Variants in ZNF556 observed in about 807,000 individuals in gnomAD.
ZNF556 encodes the protein zinc finger protein 556.
In ZNF556, 11 loss-of-function variants were observed where a neutral mutation model predicts 13.6. That is an observed-to-expected ratio of 0.81 (90% CI 0.51 to 1.33). ZNF556 has a LOEUF of 1.33. Among genes scored for constraint, ZNF556 ranks in the 40% most tolerant of loss-of-function variants. The pLI is 0.00. For synonymous variants in ZNF556, 229 were observed against 207.8 expected (o/e 1.10, Z -0.88); for missense variants, 633 against 566.2 (o/e 1.12, Z -1.20).
intron 1 of ZNF556, 35 bp downstream of exon 1, chr19:2,867,459 GC>G: frequency 1.3e-6 from 2 of 1,576,180 alleles, no homozygotes; most frequent in Admixed American, 1.9e-5. Flanking sequence ...CGGAGCCGGA[GC>G]CCTGGGAGGG....
Position 2,882,788 on chromosome 19 carries a change from T to C in ZNF556, c.*4459T>C, listed in dbSNP as rs2087915187. On this transcript the variant is annotated 3_prime_UTR_variant, in exon 4 of 4. Coordinates refer to ENST00000307635, the MANE Select transcript of ZNF556 (RefSeq NM_024967.3). Reference sequence around the variant, plus strand: ...CCAGGATGGTCTCGATCTCTTCACCTCGTGATCTGCCCGCCTTGGCCTCCC... The same window carrying C: ...CCAGGATGGTCTCGATCTCTTCACCCCGTGATCTGCCCGCCTTGGCCTCCC... The C allele has an allele frequency of 6.6e-6, 1 of 152,222 alleles. No homozygotes were observed. The highest frequency in any genetic ancestry group is 2.4e-5 in the African/African-American group (1 of 41,412). The allele number at this position is 152,222 out of a possible 1,614,324, so 9.4% of individuals were successfully genotyped here. A position where few individuals can be genotyped will look rare whatever the true frequency, so the allele number is the denominator to read the frequency against.
chr19:2,880,592 A>T lies in ZNF556; in HGVS notation c.*2263A>T, dbSNP rs528342902. The T allele has an allele frequency of 1.3e-5, 2 of 152,122 alleles. No homozygotes were observed. The highest frequency in any genetic ancestry group is 2.0e-4 in the East Asian group (1 of 5,108). 9.4% of individuals were successfully genotyped at this position (152,122 alleles called of 1,614,324 possible). On this transcript the variant is annotated 3_prime_UTR_variant, in exon 4 of 4. Transcript: ENST00000307635. ...AGACCATCCTGGCTAACACGGTGAA[A>T]CCCCATCTCTACTAAAAATACAAAA...
Position 2,878,139 on chromosome 19 carries a change from G to C in ZNF556, c.1181G>C (p.Gly394Ala). ...SLHKHERKHT[G>A]EKPVNAASVG... Reference sequence around the variant, plus strand: ...CACAAACATGAGAGAAAGCACACTGGGGAGAAACCTGTAAATGCAGCCAGT... The same window carrying C: ...CACAAACATGAGAGAAAGCACACTGCGGAGAAACCTGTAAATGCAGCCAGT... Residue 394 changes from glycine (G) to alanine (A), a missense_variant, in exon 4 of 4, where the codon GGG becomes GCG. Coordinates refer to ENST00000307635, the MANE Select transcript of ZNF556 (RefSeq NM_024967.3). 4 of 1,614,112 alleles carry C rather than the reference G, an allele frequency of 2.5e-6. No individual in the cohort carries two copies. In the African/African-American group the frequency reaches 4.0e-5, roughly 16 times the overall value.
intron 2 of ZNF556, 126 bp downstream of exon 2, chr19:2,873,748 G>A: frequency 8.6e-7 from 1 of 1,158,076 alleles, no homozygotes; most frequent in South Asian, 1.6e-5. Context: ...GAGGCTAGGA[G>A]TTGACAACCA....
At chr19:2,871,869 C>T (rs138545905) in intron 1 of ZNF556, among the ~76,000 whole-genome samples, 397 of 152,252 alleles carry the variant, frequency 2.6e-3, no homozygotes, top group Non-Finnish European at 4.2e-3. Flanking sequence ...GACAAACGGG[C>T]AGGATAAGGA....
chr19:2,867,867 C>G (rs10775586), intron 1 of ZNF556, among the ~76,000 whole-genome samples: 127,693 of 152,138 alleles, frequency 0.84, 53,755 homozygotes, highest in East Asian at 1. Flanking sequence ...CACGTGGCGG[C>G]ACGGGCTGGC....
intron 1 of ZNF556, among the ~76,000 whole-genome samples, chr19:2,870,713 C>G (rs1005919703): frequency 5.6e-4 from 84 of 149,762 alleles, no homozygotes; most frequent in Middle Eastern, 3.5e-3. Flanking sequence ...TGCCATTGCA[C>G]TCCAGCCTGG....
Position 2,878,466 on chromosome 19 carries a change from C to T in ZNF556, c.*137C>T. ...CAGGCGGATCACGAGGTCAGGAGATCAAGACCATCCTGGCTATGGTGAAAC... is the reference window on the plus strand; with the variant it reads ...CAGGCGGATCACGAGGTCAGGAGATTAAGACCATCCTGGCTATGGTGAAAC... On this transcript the variant is annotated 3_prime_UTR_variant, in exon 4 of 4. Transcript: ENST00000307635. 1.3e-6 allele frequency: 1 copy of T among 741,848 alleles called. No homozygotes were observed. Among genetic ancestry groups the T allele is most frequent in the Non-Finnish European group, 2.2e-6 (1 of 463,198 alleles). The allele number at this position is 741,848 out of a possible 1,614,324, so 46.0% of individuals were successfully genotyped here.
rs2087889766 is a variant in ZNF556, at chr19:2,879,720, G to A, written c.*1391G>A. On this transcript the variant is annotated 3_prime_UTR_variant, in exon 4 of 4. Coordinates refer to ENST00000307635, the MANE Select transcript of ZNF556 (RefSeq NM_024967.3). ...TTCCTGCTTCCATGACAGATACAAT[G>A]GTACAACCATAAAAACACAGGGGAT... The A allele has an allele frequency of 6.6e-6, 1 of 152,024 alleles. No individual in the cohort carries two copies. Among genetic ancestry groups the A allele is most frequent in the Admixed American group, 6.6e-5 (1 of 15,218 alleles). 9.4% of individuals were successfully genotyped at this position (152,024 alleles called of 1,614,324 possible). A position where few individuals can be genotyped will look rare whatever the true frequency, so the allele number is the denominator to read the frequency against.
At position 2,878,517 on chromosome 19, in the gene ZNF556, ATAC is replaced by A; in HGVS notation, c.*189_*191del. 5 of 496,560 alleles carry A rather than the reference ATAC, an allele frequency of 1.0e-5. No homozygotes were observed. The highest frequency in any genetic ancestry group is 1.7e-5 in the Non-Finnish European group (5 of 288,164). The allele number at this position is 496,560 out of a possible 1,614,324, so 30.8% of individuals were successfully genotyped here. A position where few individuals can be genotyped will look rare whatever the true frequency, so the allele number is the denominator to read the frequency against. ...CCCGTCTCTACTAAAAAAAAAAAAA[ATAC>A]AAAAAATTAGCCGGGCGTGGTGGCG... On this transcript the variant is annotated 3_prime_UTR_variant, in exon 4 of 4. Transcript: ENST00000307635.
chr19:2,870,154 G>T (rs1268067779), intron 1 of ZNF556, among the ~76,000 whole-genome samples: 1 of 152,172 alleles, frequency 6.6e-6, no homozygotes, highest in Admixed American at 6.5e-5. Flanking sequence ...GGGAACAGAT[G>T]ACATTTTACT....
At position 2,878,947 on chromosome 19, in the gene ZNF556, G is replaced by A. The variant is rs1173715948; in HGVS notation, c.*618G>A. 6.6e-6 allele frequency: 1 copy of A among 152,084 alleles called. No homozygotes were observed. Among genetic ancestry groups the A allele is most frequent in the Admixed American group, 6.6e-5 (1 of 15,258 alleles). 9.4% of individuals were successfully genotyped at this position (152,084 alleles called of 1,614,324 possible). ...TGGGTGATCTGATGTATTTTAATAT[G>A]CATTAACTTTAATTTTTATATATTT... On this transcript the variant is annotated 3_prime_UTR_variant, in exon 4 of 4. Transcript: ENST00000307635.
chr19:2,872,359 G>A (rs186951605), intron 1 of ZNF556, among the ~76,000 whole-genome samples: 7,099 of 151,488 alleles, frequency 0.047, 526 homozygotes, highest in African/African-American at 0.16. Context: ...GTTACCGCTA[G>A]ACCAAGGAGC....
Position 2,877,649 on chromosome 19 carries a change from T to G in ZNF556, c.691T>G (p.Tyr231Asp), listed in dbSNP as rs1944288509. ...AAGGACTCACACTGGAGAGAAACCC[T>G]ACGAATGTGGGCAGTGTGGGAAAGG... is the stretch of plus-strand genomic sequence containing the variant. ...HVRTHTGEKP[Y>D]ECGQCGKGFS... is the part of the protein sequence containing the mutation. Residue 231 changes from tyrosine to aspartate, a missense_variant, in exon 4 of 4, where the codon TAC (tyrosine) becomes GAC (aspartate). Physicochemically the swap from Tyr to Asp is radical, Grantham distance 160 (BLOSUM62 -3). Coordinates refer to ENST00000307635, the MANE Select transcript of ZNF556 (RefSeq NM_024967.3). 1 of 1,614,086 alleles carries G rather than the reference T, an allele frequency of 6.2e-7. No individual in the cohort carries two copies. The highest frequency in any genetic ancestry group is 1.3e-5 in the African/African-American group (1 of 74,936).
rs187449569 is a variant in ZNF556, at chr19:2,882,959, A to G, written c.*4630A>G. On this transcript the variant is annotated 3_prime_UTR_variant, in exon 4 of 4. Transcript: ENST00000307635. The stretch of plus-strand genomic sequence containing the variant: ...TTTGTTTTTAATACCTTTGTGAAAT[A>G]ATTTTAAATTGCCTTATATATTTGG... 6.6e-6 allele frequency: 1 copy of G among 152,292 alleles called. No individual in the cohort carries two copies. Among genetic ancestry groups the G allele is most frequent in the Admixed American group, 6.5e-5 (1 of 15,296 alleles). The allele number at this position is 152,292 out of a possible 1,614,324, so 9.4% of individuals were successfully genotyped here. A position where few individuals can be genotyped will look rare whatever the true frequency, so the allele number is the denominator to read the frequency against.
chr19:2,873,491 T>G lies in ZNF556; in HGVS notation c.4-5T>G, dbSNP rs1403158579. 1 of 1,613,996 alleles carries G rather than the reference T, an allele frequency of 6.2e-7. No individual in the cohort carries two copies. Among genetic ancestry groups the G allele is most frequent in the Admixed American group, 1.7e-5 (1 of 60,002 alleles). ...CCTCATGTACACATATGTGGTTTGT[T>G]TTAGGACACAGTGGTCTTTGAAGAC... On this transcript the variant is annotated splice_region_variant and splice_polypyrimidine_tract_variant and intron_variant, in intron 1 of 3. Transcript: ENST00000307635.
At chr19:2,869,662 C>T (rs900348738) in intron 1 of ZNF556, among the ~76,000 whole-genome samples, 13 of 152,120 alleles carry the variant, frequency 8.5e-5, no homozygotes, top group African/African-American at 2.7e-4. Context: ...CCACCGCGCC[C>T]GGCCTAGATC....
chr19:2,877,205 C>T (rs2087859388), intron 3 of ZNF556, 68 bp from the exon 4 acceptor site: 3 of 1,329,098 alleles, frequency 2.3e-6, no homozygotes, highest in Non-Finnish European at 1.0e-6. Flanking sequence ...AGCAAAACTC[C>T]ATCTCAAGGA....
At chr19:2,868,721 A>ATT (rs11456545) in intron 1 of ZNF556, among the ~76,000 whole-genome samples, 14,091 of 125,840 alleles carry the variant, frequency 0.11, 1,014 homozygotes, top group African/African-American at 0.19. Flanking sequence ...TGACTAGCTA[A>ATT]TTTTTTTTTT....
Sources: allele counts gnomAD v4.1 joint callset (sites outside exome capture counted in the v4.1 genomes callset), GRCh38; gene constraint gnomAD v4.1.1; transcripts MANE v1.5; gene names NCBI Gene and HGNC (gene_info 2026-07-23, HGNC 2026-07-21).